Variants in ATP8B1 observed in about 807,000 individuals in gnomAD.
ATP8B1 encodes phospholipid-transporting ATPase IC.
ATP8B1 carries 80 observed loss-of-function variants against 149.9 expected under a neutral mutation model. The observed-to-expected ratio is 0.53, with a 90% CI of 0.45 to 0.64. The LOEUF is 0.64. ATP8B1 is among the 30% of genes least tolerant of loss of function. ATP8B1 has a pLI of 0.00. For synonymous variants in ATP8B1, 536 were observed against 562.8 expected, an observed-to-expected ratio of 0.95 and a Z score of 0.67; for missense variants, 1,247 against 1,552.6, an observed-to-expected ratio of 0.80 and a Z score of 3.31.
At chr18:57,672,922 A>C in intron 16 of ATP8B1, among the ~76,000 whole-genome samples, 1 of 51,286 alleles carries the variant, frequency 1.9e-5, no homozygotes, top group Non-Finnish European at 3.3e-5. Context: ...ATATATATAT[A>C]TATATATATA....
At chr18:57,794,222 A>G (rs1464220382) in intron 1 of ATP8B1, among the ~76,000 whole-genome samples, 1 of 152,138 alleles carries the variant, frequency 6.6e-6, no homozygotes, top group African/African-American at 2.4e-5. Flanking sequence ...GCTAATTTTC[A>G]GGGCACAGTG....
intron 1 of ATP8B1, among the ~76,000 whole-genome samples, chr18:57,792,424 A>G (rs1356275940): frequency 6.6e-6 from 1 of 152,112 alleles, no homozygotes; most frequent in Non-Finnish European, 1.5e-5. Flanking sequence ...CTGGGATTAC[A>G]GGTGTGAGCC....
chr18:57,802,310 C>A lies in ATP8B1; in HGVS notation c.-26+688G>T, dbSNP rs750015587. The stretch of plus-strand genomic sequence containing the variant: ...ACCAAACTGCTGAGGGAAGGAGATG[C>A]CTGCAGCCATCTCAGCGGGGCTGGC... On this transcript the variant is annotated intron_variant, in intron 1 of 27. Transcript: ENST00000648908. This position sits in a 1 kb window ranked among gnomAD's most constrained non-coding sequence, Gnocchi z 4.9. Among the ~76,000 whole-genome samples, 15 of 152,160 alleles carry A rather than the reference C, an allele frequency of 9.9e-5. No homozygotes were observed. Among genetic ancestry groups the A allele is most frequent in the Middle Eastern group, 3.2e-3 (1 of 316 alleles).
At chr18:57,687,469 T>C (rs892620659) in intron 13 of ATP8B1, among the ~76,000 whole-genome samples, 15 of 152,232 alleles carry the variant, frequency 9.9e-5, no homozygotes, top group Non-Finnish European at 2.1e-4. Context: ...ATCACCAAGT[T>C]CTGATTGCAA....
At chr18:57,708,506 C>T (rs987917056) in intron 2 of ATP8B1, 4 of 152,204 alleles carry the variant, frequency 2.6e-5, no homozygotes, top group African/African-American at 4.8e-5. Flanking sequence ...TGAATCCATT[C>T]TATTTGGTGG....
At chr18:57,697,533 G>T (rs184440623) in intron 8 of ATP8B1, 85 bp downstream of exon 8, 4 of 1,421,558 alleles carry the variant, frequency 2.8e-6, no homozygotes, top group Non-Finnish European at 4.0e-6. Flanking sequence ...ATATCAAGCC[G>T]TCTGGTCCAC....
chr18:57,713,823 C>T (rs990533553), intron 2 of ATP8B1, among the ~76,000 whole-genome samples: 4 of 152,008 alleles, frequency 2.6e-5, no homozygotes, highest in South Asian at 2.1e-4. Flanking sequence ...GACAGGGTTT[C>T]GCCATGTTGG....
At chr18:57,676,733 A>G (rs1911619794) in intron 15 of ATP8B1, among the ~76,000 whole-genome samples, 1 of 151,648 alleles carries the variant, frequency 6.6e-6, no homozygotes, top group African/African-American at 2.4e-5. Flanking sequence ...AAAAAAAAAA[A>G]AAAAAGAAAG....
chr18:57,731,378 C>CAG lies in ATP8B1; in HGVS notation c.181+248_181+249insCT. Reference sequence around the variant, plus strand: ...ATATATATATATATATATATATACACACACTAACAAAGACCTTAATGTATT... The same window carrying CAG: ...ATATATATATATATATATATATACACAGACACTAACAAAGACCTTAATGTATT... On this transcript the variant is annotated intron_variant, in intron 2 of 27. Transcript: ENST00000648908. The CAG allele has an allele frequency of 1.4e-5, 4 of 278,134 alleles. 2 individuals carry two copies. Among genetic ancestry groups the CAG allele is most frequent in the Non-Finnish European group, 2.7e-5 (4 of 147,206 alleles). 17.2% of individuals were successfully genotyped at this position (278,134 alleles called of 1,614,324 possible).
At chr18:57,720,558 A>G (rs1195618230) in intron 2 of ATP8B1, among the ~76,000 whole-genome samples, 1 of 127,120 alleles carries the variant, frequency 7.9e-6, no homozygotes, top group Non-Finnish European at 1.6e-5. Flanking sequence ...AAAGAATAAA[A>G]AGAAATGAGC....
intron 1 of ATP8B1, among the ~76,000 whole-genome samples, chr18:57,783,102 G>C (rs9945475): frequency 0.7 from 106,020 of 151,896 alleles, 37,412 homozygotes; most frequent in African/African-American, 0.77. Flanking sequence ...CGTGAGCCAC[G>C]GTGCCCGGCC....
Position 57,654,592 on chromosome 18 carries a change from T to G in ATP8B1, c.2932-517A>C, listed in dbSNP as rs1358382097. On this transcript the variant is annotated intron_variant, in intron 23 of 27. Coordinates refer to ENST00000648908, the MANE Select transcript of ATP8B1 (RefSeq NM_001374385.1). ...CCTCGGCCTCCCAAAGTGCTGGGAT[T>G]ATAGGCGTGAGCCACTGCACCCAGC... is the stretch of plus-strand genomic sequence containing the variant. Among the ~76,000 whole-genome samples the G allele has an allele frequency of 2.0e-5, 3 of 152,266 alleles. No individual in the cohort carries two copies. The East Asian group carries it at 5.8e-4, about 29-fold the overall frequency.
chr18:57,692,236 A>C (rs1388372403), intron 11 of ATP8B1, among the ~76,000 whole-genome samples: 1 of 152,174 alleles, frequency 6.6e-6, no homozygotes, highest in Admixed American at 6.5e-5. Context: ...TCCCAAAATT[A>C]TCTCTCCAAA....
At chr18:57,657,261 G>A (rs560781565) in intron 22 of ATP8B1, among the ~76,000 whole-genome samples, 7 of 151,162 alleles carry the variant, frequency 4.6e-5, no homozygotes, top group Admixed American at 6.6e-5. Context: ...TTTTCTTTAC[G>A]GGGGAAGGTT....
At chr18:57,721,612 C>T (rs1419264995) in intron 2 of ATP8B1, among the ~76,000 whole-genome samples, 2 of 150,900 alleles carry the variant, frequency 1.3e-5, no homozygotes, top group Admixed American at 1.3e-4. Flanking sequence ...CCTGAGTGAC[C>T]TACAAAGAGA....
chr18:57,758,748 T>C (rs2080112282), intron 1 of ATP8B1, among the ~76,000 whole-genome samples: 1 of 152,226 alleles, frequency 6.6e-6, no homozygotes, highest in Non-Finnish European at 1.5e-5. Flanking sequence ...CTTAGCTTTT[T>C]TCACTTAGCA....
At chr18:57,659,877 TA>T (rs1910281908) in intron 22 of ATP8B1, 1 of 152,146 alleles carries the variant, frequency 6.6e-6, no homozygotes, top group Non-Finnish European at 1.5e-5. Flanking sequence ...TAGTTATATA[TA>T]ATGCATTTAA....
rs181560488 is a variant in ATP8B1, at chr18:57,744,441, A to G, written c.-25-12609T>C. ...AAAATGAAGGAAAAAAAAAGTAAAT[A>G]AAAGACTGGGGCTGGTTCCCATAGG... On this transcript the variant is annotated intron_variant, in intron 1 of 27. Transcript: ENST00000648908. Among the ~76,000 whole-genome samples, 548 of 152,212 alleles carry G rather than the reference A, an allele frequency of 3.6e-3. 3 individuals carry two copies. The highest frequency in any genetic ancestry group is 0.014 in the South Asian group (69 of 4,820).
rs540135118 is a variant in ATP8B1 at position 57,773,434 on chromosome 18, G to A, written c.-26+29564C>T. On this transcript the variant is annotated intron_variant, in intron 1 of 27. Coordinates refer to ENST00000648908, the MANE Select transcript of ATP8B1 (RefSeq NM_001374385.1). ...ACAACTCACTTCATCCGGGCAGGGG[G>A]TCTGGGAGGAAAAACATTGAAAAAG... Among the ~76,000 whole-genome samples the A allele has an allele frequency of 8.5e-5, 13 of 152,236 alleles. 1 individual carries two copies. The highest frequency in any genetic ancestry group is 7.2e-4 in the Admixed American group (11 of 15,294).
Sources: gnomAD v4.1 joint callset for allele counts (sites outside exome capture counted in the v4.1 genomes callset) on GRCh38, gnomAD v4.1.1 for gene constraint, Gnocchi (gnomAD v3.1) non-coding constraint, MANE v1.5 for transcripts, NCBI Gene and HGNC (gene_info 2026-07-23, HGNC 2026-07-21) for gene names.